KIF26B: variants seen among roughly 807,000 people sequenced by gnomAD.
KIF26B encodes kinesin family member 26B.
Under a neutral mutation model 151.2 loss-of-function variants are expected in KIF26B, and 63 were observed. The observed-to-expected ratio is 0.42, with a 90% CI of 0.34 to 0.51. The LOEUF is 0.51. Among genes scored for constraint, KIF26B ranks in the 20% least tolerant of loss-of-function variants. The pLI is 0.07. For missense variants in KIF26B, 2,813 were observed against 2,913.6 expected (o/e 0.97, Z 0.79); for synonymous variants, 1,357 against 1,262.1 (o/e 1.08, Z -1.59).
At chr1:245,460,495 T>C (rs1659623256) in intron 4 of KIF26B, among the ~76,000 whole-genome samples, 1 of 152,130 alleles carries the variant, frequency 6.6e-6, no homozygotes, top group South Asian at 2.1e-4. Context: ...AGTTGAGAAG[T>C]TGGACAGAGA....
chr1:245,365,289 CATT>C (rs1211650579), intron 2 of KIF26B, among the ~76,000 whole-genome samples: 2 of 152,218 alleles, frequency 1.3e-5, no homozygotes, highest in Non-Finnish European at 2.9e-5. Context: ...TGCTTCCCAT[CATT>C]GTGTCTGGCT....
intron 4 of KIF26B, among the ~76,000 whole-genome samples, chr1:245,486,121 T>C (rs1442498213): frequency 6.6e-6 from 1 of 152,232 alleles, no homozygotes; most frequent in African/African-American, 2.4e-5. Context: ...CAAGGGTTAA[T>C]GTGGGCAAAG....
rs555773367 is a variant in KIF26B at position 245,353,381 on chromosome 1, A to C, written c.466-13453A>C. On this transcript the variant is annotated intron_variant, in intron 2 of 14. Transcript: ENST00000407071. The stretch of plus-strand genomic sequence containing the variant: ...GTTCTGCCGGCTCTCCCTACCATGA[A>C]AGTTCTCTGAGAAGCCAGTAAAGAT... Among the ~76,000 whole-genome samples, 3 of 152,284 alleles carry C rather than the reference A, an allele frequency of 2.0e-5. No individual in the cohort carries two copies. In the East Asian group the frequency reaches 5.8e-4, roughly 29 times the overall value.
At chr1:245,410,236 T>G (rs1476480858) in intron 3 of KIF26B, among the ~76,000 whole-genome samples, 5 of 152,182 alleles carry the variant, frequency 3.3e-5, no homozygotes, top group African/African-American at 1.2e-4. Context: ...ATCTTGTCAC[T>G]GAGGCCACCC....
At chr1:245,220,108 G>A (rs968667120) in intron 2 of KIF26B, among the ~76,000 whole-genome samples, 8 of 152,270 alleles carry the variant, frequency 5.3e-5, no homozygotes, top group Non-Finnish European at 7.4e-5. Context: ...CTCTCTCTCC[G>A]CACCATGTTC....
At chr1:245,510,576 TTCTCTC>T (rs4021193) in intron 4 of KIF26B, among the ~76,000 whole-genome samples, 87,640 of 133,880 alleles carry the variant, frequency 0.65, 28,955 homozygotes, top group Non-Finnish European at 0.74. Context: ...TTAGCAGAGC[TTCTCTC>T]TCTCTCTCTC....
At chr1:245,290,373 A>G (rs1039115213) in intron 2 of KIF26B, among the ~76,000 whole-genome samples, 2 of 152,234 alleles carry the variant, frequency 1.3e-5, no homozygotes, top group African/African-American at 4.8e-5. Flanking sequence ...AGTTTATTAG[A>G]GAAGTAAAGA....
chr1:245,300,198 A>G (rs1354343419), intron 2 of KIF26B, among the ~76,000 whole-genome samples: 1 of 152,216 alleles, frequency 6.6e-6, no homozygotes, highest in Non-Finnish European at 1.5e-5. Context: ...CAAAGATAGC[A>G]GTTTCTTCTT....
chr1:245,643,089 C>A (rs965941883), intron 9 of KIF26B, among the ~76,000 whole-genome samples: 7 of 152,178 alleles, frequency 4.6e-5, no homozygotes, highest in African/African-American at 1.4e-4. Context: ...CACACTTACA[C>A]GTTTAAATGA....
intron 2 of KIF26B, among the ~76,000 whole-genome samples, chr1:245,280,710 C>T (rs1440530588): frequency 1.6e-4 from 20 of 127,848 alleles, no homozygotes; most frequent in Non-Finnish European, 2.9e-4. Flanking sequence ...CCCATTAACT[C>T]GTCATCTAGC....
intron 5 of KIF26B, among the ~76,000 whole-genome samples, chr1:245,585,343 G>A (rs1438830220): frequency 6.6e-6 from 1 of 152,128 alleles, no homozygotes; most frequent in Admixed American, 6.5e-5. Flanking sequence ...CAAATTAGGT[G>A]GCCAATTGCC....
At chr1:245,216,906 A>G (rs115484749) in intron 2 of KIF26B, among the ~76,000 whole-genome samples, 93 of 152,234 alleles carry the variant, frequency 6.1e-4, no homozygotes, top group African/African-American at 2.2e-3. Flanking sequence ...CTTTTGCCTT[A>G]TTTCATATTT....
chr1:245,343,034 C>T (rs1223632750), intron 2 of KIF26B, among the ~76,000 whole-genome samples: 5 of 143,822 alleles, frequency 3.5e-5, no homozygotes, highest in Admixed American at 7.3e-5. Flanking sequence ...TGCAGTGAGC[C>T]GAGATCACAC....
At chr1:245,683,206 C>G (rs66786720) in intron 10 of KIF26B, among the ~76,000 whole-genome samples, 1 of 152,098 alleles carries the variant, frequency 6.6e-6, no homozygotes, top group African/African-American at 2.4e-5. Flanking sequence ...CTCCAGGGAG[C>G]TTTGCAGGGG....
intron 10 of KIF26B, among the ~76,000 whole-genome samples, chr1:245,662,234 C>G (rs1423333424): frequency 6.7e-6 from 1 of 149,532 alleles, no homozygotes; most frequent in Non-Finnish European, 1.5e-5. Context: ...TATAGATACA[C>G]CCAATGATAT....
chr1:245,556,498 C>T (rs1361231334), intron 5 of KIF26B, among the ~76,000 whole-genome samples: 1 of 152,104 alleles, frequency 6.6e-6, no homozygotes, highest in African/African-American at 2.4e-5. Flanking sequence ...CCTCCAAATT[C>T]AAGCGATCCT....
intron 2 of KIF26B, among the ~76,000 whole-genome samples, chr1:245,326,103 C>T (rs75889292): frequency 0.05 from 7,618 of 152,208 alleles, 268 homozygotes; most frequent in Middle Eastern, 0.1. Flanking sequence ...AAATACCCAT[C>T]GAGATTTGAG....
chr1:245,431,635 C>T (rs549055136), intron 4 of KIF26B, among the ~76,000 whole-genome samples: 6 of 152,130 alleles, frequency 3.9e-5, no homozygotes, highest in Non-Finnish European at 8.8e-5. Context: ...TGAACCACTG[C>T]GCCCAGCCAA....
rs190677374 is a variant in KIF26B at position 245,566,006 on chromosome 1, C to G, written c.1350+25056C>G. Among the ~76,000 whole-genome samples, 20 of 152,300 alleles carry G rather than the reference C, an allele frequency of 1.3e-4. No homozygotes were observed. In the East Asian group the frequency reaches 3.9e-3, roughly 29 times the overall value. On this transcript the variant is annotated intron_variant, in intron 5 of 14. Transcript: ENST00000407071. ...GAGGCCCCAGACTCTTTAAAACAACCATTTCTCACATGAACTAACTGAGCG... is the reference window on the plus strand; with the variant it reads ...GAGGCCCCAGACTCTTTAAAACAACGATTTCTCACATGAACTAACTGAGCG...
Sources: allele counts gnomAD v4.1 joint callset (sites outside exome capture counted in the v4.1 genomes callset), GRCh38; gene constraint gnomAD v4.1.1; transcripts MANE v1.5; gene names NCBI Gene and HGNC (gene_info 2026-07-23, HGNC 2026-07-21).